Variants in C1orf167 observed in about 807,000 individuals in gnomAD.
C1orf167 encodes the protein chromosome 1 open reading frame 167, also known as uncharacterized protein C1orf167.
In C1orf167, 153 loss-of-function variants were observed where a neutral mutation model predicts 176.5. The observed-to-expected ratio is 0.87, with a 90% CI of 0.76 to 0.99. The LOEUF (loss-of-function observed/expected upper bound fraction) is 0.99. Among genes scored for constraint, C1orf167 ranks in the 50% least tolerant of loss-of-function variants. C1orf167 has a pLI of 0.00. For synonymous variants in C1orf167, 594 were observed against 752.7 expected, an observed-to-expected ratio of 0.79 and a Z score of 3.45; for missense variants, 1,490 against 1,817.7, an observed-to-expected ratio of 0.82 and a Z score of 3.28.
At chr1:11,767,401 A>G in intron 4 of C1orf167, 137 bp downstream of exon 4, 1 of 736,052 alleles carries the variant, frequency 1.4e-6, no homozygotes, top group Non-Finnish European at 2.0e-6. Context: ...GGAACTTACT[A>G]CCTGTCCCTG....
At chr1:11,771,049 G>A (rs12746958) in intron 6 of C1orf167, among the ~76,000 whole-genome samples, 14,327 of 34,532 alleles carry the variant, frequency 0.41, 3,141 homozygotes, top group South Asian at 0.45. Context: ...GTGTGTGTGT[G>A]TATATATATA....
chr1:11,784,653 G>A, intron 15 of C1orf167, 60 bp downstream of exon 15: 1 of 1,192,960 alleles, frequency 8.4e-7, no homozygotes. Context: ...CCTCAAGCCT[G>A]TTTTTGGCAG....
rs1231747126 is a variant in C1orf167 at position 11,776,603 on chromosome 1, G to C, written c.2304G>C (p.Leu768=). ...TGGCCCTCTGCTGGGCGCTGCTGCT[G>C]TGGAAGATGCGGCTTTTCCAGCGCC... ...WTLALCWALL[L]WKMRLFQRQW... is the part of the protein sequence containing the mutation. Residue 768 remains leucine (L), a synonymous_variant, in exon 10 of 21, where the codon CTG becomes CTC. Transcript: ENST00000688073. 1 of 1,207,852 alleles carries C rather than the reference G, an allele frequency of 8.3e-7. No individual in the cohort carries two copies. The allele number at this position is 1,207,852 out of a possible 1,614,324, so 74.8% of individuals were successfully genotyped here. A position where few individuals can be genotyped will look rare whatever the true frequency, so the allele number is the denominator to read the frequency against.
Position 11,776,604 on chromosome 1 carries a change from T to C in C1orf167, c.2305T>C (p.Trp769Arg). The C allele has an allele frequency of 1.7e-6, 2 of 1,206,846 alleles. No individual in the cohort carries two copies. The highest frequency in any genetic ancestry group is 2.1e-6 in the Non-Finnish European group (2 of 941,952). The allele number at this position is 1,206,846 out of a possible 1,614,324, so 74.8% of individuals were successfully genotyped here. ...TLALCWALLL[W>R]KMRLFQRQWA... is the part of the protein sequence containing the mutation. ...GGCCCTCTGCTGGGCGCTGCTGCTG[T>C]GGAAGATGCGGCTTTTCCAGCGCCA... is the stretch of plus-strand genomic sequence containing the variant. Residue 769 changes from tryptophan to arginine, a missense_variant, in exon 10 of 21, where the codon TGG becomes CGG. Coordinates refer to ENST00000688073, the MANE Select transcript of C1orf167 (RefSeq NM_001010881.2).
Position 11,771,615 on chromosome 1 carries a change from C to T in C1orf167, c.1789C>T (p.Leu597=). Reference sequence around the variant, plus strand: ...CAGCAGACACGAGAGAGTCCAGATCCTGCAGGCCCTGCAACTGGCTGGTGA... The same window carrying T: ...CAGCAGACACGAGAGAGTCCAGATCTTGCAGGCCCTGCAACTGGCTGGTGA... ...TDSRHERVQI[L]QALQLAVFFL... is the part of the protein sequence containing the mutation. The change falls in exon 7 of 21, where the codon CTG becomes TTG. Residue 597 remains leucine, a synonymous_variant. Coordinates refer to ENST00000688073, the MANE Select transcript of C1orf167 (RefSeq NM_001010881.2). 7.8e-7 allele frequency: 1 copy of T among 1,289,674 alleles called. No individual in the cohort carries two copies. The allele number at this position is 1,289,674 out of a possible 1,614,324, so 79.9% of individuals were successfully genotyped here. A position where few individuals can be genotyped will look rare whatever the true frequency, so the allele number is the denominator to read the frequency against.
At chr1:11,771,073 T>A (rs868351102) in intron 6 of C1orf167, among the ~76,000 whole-genome samples, 2,452 of 55,816 alleles carry the variant, frequency 0.044, 123 homozygotes, top group South Asian at 0.18. Context: ...ATATATATTT[T>A]TTTTTTTTTT....
At chr1:11,783,338 C>T (rs187263430) in intron 14 of C1orf167, among the ~76,000 whole-genome samples, 1 of 152,142 alleles carries the variant, frequency 6.6e-6, no homozygotes, top group African/African-American at 2.4e-5. Flanking sequence ...ACCTCCGCCT[C>T]CCGGGTTCAA....
intron 8 of C1orf167, among the ~76,000 whole-genome samples, chr1:11,773,686 C>T (rs1031869393): frequency 3.9e-5 from 6 of 151,928 alleles, no homozygotes; most frequent in African/African-American, 7.3e-5. Flanking sequence ...CCAGCCTAGG[C>T]GACAGAGTGA....
chr1:11,767,108 G>C (rs1642837455), intron 3 of C1orf167, 23 bp downstream of exon 3: 1 of 1,257,492 alleles, frequency 8.0e-7, no homozygotes, highest in African/African-American at 1.5e-5. Context: ...GGAGGCTGGA[G>C]GTGGGGTAGG....
chr1:11,768,997 A>G lies in C1orf167; in HGVS notation c.1567A>G (p.Lys523Glu), dbSNP rs1382199103. Residue 523 changes from lysine to glutamate, a missense_variant, in exon 6 of 21, where the codon AAA (lysine) becomes GAA (glutamate). By Grantham distance (56) the Lys-to-Glu change is moderately conservative. Coordinates refer to ENST00000688073, the MANE Select transcript of C1orf167 (RefSeq NM_001010881.2). The surrounding 1 kb of genome is among the most constrained non-coding windows in gnomAD (Gnocchi z 4.5). ...GTGGAGAAACCTGGCTTTACAGCAG[A>G]AACAAGTACAGCCCCACATGCAGGC... ...REWRNLALQQ[K>E]QVQPHMQAGP... 5 of 985,780 alleles carry G rather than the reference A, an allele frequency of 5.1e-6. No homozygotes were observed. The Admixed American group carries it at 2.5e-4, about 49-fold the overall frequency. The allele number at this position is 985,780 out of a possible 1,614,324, so 61.1% of individuals were successfully genotyped here.
chr1:11,788,712 C>A lies in C1orf167; in HGVS notation c.4139C>A (p.Ala1380Glu). 1 of 1,304,218 alleles carries A rather than the reference C, an allele frequency of 7.7e-7. No homozygotes were observed. Among genetic ancestry groups the A allele is most frequent in the African/African-American group, 1.5e-5 (1 of 65,982 alleles). The allele number at this position is 1,304,218 out of a possible 1,614,324, so 80.8% of individuals were successfully genotyped here. A position where few individuals can be genotyped will look rare whatever the true frequency, so the allele number is the denominator to read the frequency against. ...GTGGTGGCAGCGGATCCTGCGACTGCGAGTGGCTCAGCAGTTACAGCAGCA... is the reference window on the plus strand; with the variant it reads ...GTGGTGGCAGCGGATCCTGCGACTGAGAGTGGCTCAGCAGTTACAGCAGCA... ...ADVVAADPAT[A>E]SGSAVTAAGR... The change falls in exon 20 of 21, where the codon GCG becomes GAG. Residue 1380 changes from alanine (A) to glutamate (E), a missense_variant. Ala to Glu is a moderately radical substitution (Grantham distance 107, BLOSUM62 -1). Transcript: ENST00000688073.
At position 11,768,163 on chromosome 1, in the gene C1orf167, G is replaced by T. The variant is rs944269464; in HGVS notation, c.1430G>T (p.Gly477Val). Residue 477 changes from glycine to valine, a missense_variant, in exon 5 of 21, where the codon GGC becomes GTC. Transcript: ENST00000688073. The surrounding 1 kb of genome is among the most constrained non-coding windows in gnomAD (Gnocchi z 4.5). ...REPAAAAVAL[G>V]RWQLLRKCLQ... ...CCAGCGGCGGCGGCAGTGGCACTGG[G>T]CCGCTGGCAGCTGTTGCGAAAGTGC... The T allele has an allele frequency of 1.6e-6, 2 of 1,287,842 alleles. No homozygotes were observed. The highest frequency in any genetic ancestry group is 3.0e-5 in the African/African-American group (2 of 65,864). The allele number at this position is 1,287,842 out of a possible 1,614,324, so 79.8% of individuals were successfully genotyped here.
chr1:11,787,600 G>A, intron 17 of C1orf167, 107 bp downstream of exon 17: 1 of 857,330 alleles, frequency 1.2e-6, no homozygotes, highest in Non-Finnish European at 1.6e-6. Flanking sequence ...ACGGTCTTAT[G>A]TGTATTGACC....
Position 11,787,444 on chromosome 1 carries a change from G to T in C1orf167, c.3624G>T (p.Gln1208His). ...TGGTGCCTCCCGCGCCATCACTGCAGTGCAGCCTGGGTGGACGGAGGAAGC... is the reference window on the plus strand; with the variant it reads ...TGGTGCCTCCCGCGCCATCACTGCATTGCAGCCTGGGTGGACGGAGGAAGC... ...TELVPPAPSL[Q>H]CSLGGRRKPR... Residue 1208 changes from glutamine (Q) to histidine (H), a missense_variant, in exon 17 of 21, where the codon CAG becomes CAT. Transcript: ENST00000688073. 1 of 1,303,560 alleles carries T rather than the reference G, an allele frequency of 7.7e-7. No individual in the cohort carries two copies. The allele number at this position is 1,303,560 out of a possible 1,614,324, so 80.7% of individuals were successfully genotyped here.
chr1:11,769,188 C>G, intron 6 of C1orf167, 61 bp downstream of exon 6: 12 of 970,046 alleles, frequency 1.2e-5, no homozygotes, highest in South Asian at 9.5e-5. Context: ...GCCTTGCCCC[C>G]ACTACTTCCT....
intron 4 of C1orf167, among the ~76,000 whole-genome samples, chr1:11,767,658 A>G (rs1642865408): frequency 6.6e-6 from 1 of 152,074 alleles, no homozygotes; most frequent in Non-Finnish European, 1.5e-5. Flanking sequence ...CCCCGTCTCT[A>G]CAAAAAAAAT....
chr1:11,766,603 G>T lies in C1orf167; in HGVS notation c.817G>T (p.Gly273Cys). 7.8e-7 allele frequency: 1 copy of T among 1,275,978 alleles called. No individual in the cohort carries two copies. Among genetic ancestry groups the T allele is most frequent in the Non-Finnish European group, 1.0e-6 (1 of 981,304 alleles). 79.0% of individuals were successfully genotyped at this position (1,275,978 alleles called of 1,614,324 possible). ...TGCTGTGCAGCAGGACCTCTGGACC[G>T]GCGGCGGCCAGCCATTCTCCGCCCA... is the stretch of plus-strand genomic sequence containing the variant. Reference protein sequence around the residue: ...PGAVQQDLWTGGGQPFSAHPQ... With the variant: ...PGAVQQDLWTCGGQPFSAHPQ... The change falls in exon 3 of 21, where the codon GGC becomes TGC. Residue 273 changes from glycine (G) to cysteine (C), a missense_variant. By Grantham distance (159) the Gly-to-Cys change is radical (BLOSUM62 -3). Transcript: ENST00000688073. The surrounding 1 kb of genome is among the most constrained non-coding windows in gnomAD (Gnocchi z 4.5).
intron 10 of C1orf167, 113 bp from the exon 11 acceptor site, chr1:11,778,547 C>A: frequency 1.1e-6 from 1 of 944,280 alleles, no homozygotes; most frequent in Non-Finnish European, 1.4e-6. Flanking sequence ...CTGTGGCGAG[C>A]ACCCTTTCAG....
At position 11,787,463 on chromosome 1, in the gene C1orf167, A is replaced by C; in HGVS notation, c.3643A>C (p.Arg1215=). ...ACTGCAGTGCAGCCTGGGTGGACGG[A>C]GGAAGCCAAGGGGAACGGCCTGGGC... ...PSLQCSLGGR[R]KPRGTAWAQR... Residue 1215 remains arginine, a synonymous_variant, in exon 17 of 21, where the codon AGG becomes CGG. Coordinates refer to ENST00000688073, the MANE Select transcript of C1orf167 (RefSeq NM_001010881.2). 1 of 1,303,364 alleles carries C rather than the reference A, an allele frequency of 7.7e-7. No individual in the cohort carries two copies. Among genetic ancestry groups the C allele is most frequent in the Non-Finnish European group, 1.0e-6 (1 of 988,708 alleles). 80.7% of individuals were successfully genotyped at this position (1,303,364 alleles called of 1,614,324 possible). A position where few individuals can be genotyped will look rare whatever the true frequency, so the allele number is the denominator to read the frequency against.
Sources: gnomAD v4.1 joint callset for allele counts (sites outside exome capture counted in the v4.1 genomes callset) on GRCh38, gnomAD v4.1.1 for gene constraint, Gnocchi (gnomAD v3.1) non-coding constraint, MANE v1.5 for transcripts, NCBI Gene and HGNC (gene_info 2026-07-23, HGNC 2026-07-21) for gene names.